COL6A5: variants seen among roughly 807,000 people sequenced by gnomAD.
The protein encoded by COL6A5 is collagen alpha-5(VI) chain.
Under a neutral mutation model 65.6 loss-of-function variants are expected in COL6A5, and 48 were observed. That is an observed-to-expected ratio of 0.73 (90% CI 0.58 to 0.93). COL6A5 has a LOEUF of 0.93. Among genes scored for constraint, COL6A5 ranks in the 40% least tolerant of loss-of-function variants. COL6A5 has a pLI of 0.00. For missense variants in COL6A5, 914 were observed against 928.3 expected (o/e 0.98, Z 0.20); for synonymous variants, 291 against 322.8 (o/e 0.90, Z 1.05).
chr3:130,459,475 G>A (rs1006882324), intron 5 of COL6A5, among the ~76,000 whole-genome samples: 1 of 152,046 alleles, frequency 6.6e-6, no homozygotes, highest in Non-Finnish European at 1.5e-5. Flanking sequence ...TGCAACGTCT[G>A]GAGACATTTT....
At chr3:130,380,710 G>T (rs1029133005) in intron 4 of COL6A5, among the ~76,000 whole-genome samples, 1 of 152,110 alleles carries the variant, frequency 6.6e-6, no homozygotes, top group Non-Finnish European at 1.5e-5. Flanking sequence ...TAATAGCCAG[G>T]TGTGTCTAGT....
chr3:130,468,737 T>C (rs1709875883), intron 5 of COL6A5, 58 bp from the exon 38 acceptor site: 2 of 1,227,794 alleles, frequency 1.6e-6, no homozygotes, highest in Admixed American at 4.4e-5. Flanking sequence ...CATCTATGAC[T>C]AGGAGCTCCA....
At position 130,409,398 on chromosome 3, in the gene COL6A5, T is replaced by C. The variant is rs1447397786; in HGVS notation, c.4542+10T>C. The C allele has an allele frequency of 6.5e-6, 10 of 1,546,990 alleles. No individual in the cohort carries two copies. In the East Asian group the frequency reaches 2.4e-4, roughly 38 times the overall value. On this transcript the variant is annotated intron_variant and NMD_transcript_variant, in intron 18 of 41. Transcript: ENST00000312481. ...CTTCCCAGGGGATCCGGTAAGTTTC[T>C]AGGGCCCAGTTGGCTCTGAATTTTA...
chr3:130,442,821 A>G (rs11928721), intron 3 of COL6A5, among the ~76,000 whole-genome samples: 6,280 of 152,338 alleles, frequency 0.041, 168 homozygotes, highest in Non-Finnish European at 0.067. Context: ...TGTGATTATT[A>G]TAAAACTACA....
At chr3:130,406,108 G>A (rs1936981828) in intron 15 of COL6A5, 23 bp from the exon 16 acceptor site, 3 of 1,549,082 alleles carry the variant, frequency 1.9e-6, no homozygotes, top group East Asian at 4.9e-5. Context: ...TTTACCTGAT[G>A]CCTGTCTATT....
upstream of COL6A5, among the ~76,000 whole-genome samples, chr3:130,428,104 G>A (rs1483888215): frequency 1.3e-5 from 2 of 152,122 alleles, no homozygotes; most frequent in Non-Finnish European, 2.9e-5. Context: ...GAGGGTTTGG[G>A]ATTTGAAGGG....
intron 1 of COL6A5, among the ~76,000 whole-genome samples, chr3:130,358,999 G>A (rs1420755268): frequency 6.6e-6 from 1 of 152,164 alleles, no homozygotes; most frequent in African/African-American, 2.4e-5. Flanking sequence ...GAATGAAGTA[G>A]ATACAAGAGT....
intron 4 of COL6A5, among the ~76,000 whole-genome samples, 176 bp from the exon 37 acceptor site, chr3:130,455,279 T>A (rs1350823725): frequency 6.6e-6 from 1 of 152,176 alleles, no homozygotes; most frequent in Non-Finnish European, 1.5e-5. Context: ...ATCAGAGTTT[T>A]AAAAAATAAT....
chr3:130,457,646 G>A (rs944111649), intron 5 of COL6A5, among the ~76,000 whole-genome samples: 14 of 152,206 alleles, frequency 9.2e-5, no homozygotes, highest in East Asian at 3.9e-4. Context: ...AACACTGAGC[G>A]TTTCAGACAG....
chr3:130,415,492 C>T lies in COL6A5; in HGVS notation c.4762-153C>T, dbSNP rs1168366907. Among the ~76,000 whole-genome samples, 6 of 152,226 alleles carry T rather than the reference C, an allele frequency of 3.9e-5. 1 individual carries two copies. The East Asian group carries it at 1.2e-3, about 29-fold the overall frequency. ...GGACCACTGAGTCCACTGGGCCTGT[C>T]CTCAATGACTCTTAATACATGCTTA... On this transcript the variant is annotated intron_variant and NMD_transcript_variant, in intron 22 of 41. Coordinates refer to the COL6A5 transcript ENST00000312481.
In COL6A5 at chr3:130,367,218, A is replaced by G. The variant is rs1398579666; in HGVS notation, c.-28-6393A>G. Among the ~76,000 whole-genome samples, 4 of 152,334 alleles carry G rather than the reference A, an allele frequency of 2.6e-5. No homozygotes were observed. The East Asian group carries it at 7.7e-4, about 29-fold the overall frequency. On this transcript the variant is annotated intron_variant and NMD_transcript_variant, in intron 1 of 41. Transcript: ENST00000312481. ...CTGTCCTAATCCAGTTTCCTCTGAT[A>G]AAAGTATTATTAGAATGTGATATCA...
intron 5 of COL6A5, among the ~76,000 whole-genome samples, chr3:130,467,667 C>T (rs1709849124): frequency 1.3e-5 from 2 of 152,034 alleles, no homozygotes; most frequent in African/African-American, 4.8e-5. Context: ...TCTAATATAG[C>T]ATTTCACTGT....
At chr3:130,461,683 A>T (rs1225934922) in intron 5 of COL6A5, among the ~76,000 whole-genome samples, 3 of 152,066 alleles carry the variant, frequency 2.0e-5, no homozygotes, top group Non-Finnish European at 2.9e-5. Flanking sequence ...AAACTAAATC[A>T]TGTAAAATCA....
At chr3:130,405,737 C>A (rs1423171755) in intron 14 of COL6A5, 78 bp downstream of exon 14, 7 of 1,191,704 alleles carry the variant, frequency 5.9e-6, no homozygotes, top group Non-Finnish European at 8.5e-6. Context: ...TTTCCTCCCT[C>A]ATTTTCTCTC....
At chr3:130,382,980 G>A (rs1936059087) in intron 4 of COL6A5, among the ~76,000 whole-genome samples, 1 of 151,950 alleles carries the variant, frequency 6.6e-6, no homozygotes, top group Admixed American at 6.6e-5. Context: ...TGCTTGGGGT[G>A]GTGGAATCAC....
chr3:130,443,689 A>G, intron 4 of COL6A5, 123 bp downstream of exon 36: 2 of 528,840 alleles, frequency 3.8e-6, no homozygotes, highest in Non-Finnish European at 6.7e-6. Flanking sequence ...CATTTTATGT[A>G]TTCCATTTTC....
chr3:130,472,832 CATATATATATATATAT>C (rs10654631), intron 7 of COL6A5, among the ~76,000 whole-genome samples: 6 of 99,392 alleles, frequency 6.0e-5, no homozygotes, highest in East Asian at 3.6e-4. Flanking sequence ...TGTGTGTATA[CATATATATATATATAT>C]ATATATATAT....
chr3:130,453,264 T>C lies in COL6A5; in HGVS notation c.1333-2191T>C, dbSNP rs542213764. 6.6e-5 allele frequency among the ~76,000 whole-genome samples: 10 copies of C among 152,266 alleles called. No individual in the cohort carries two copies. The South Asian group carries it at 1.9e-3, about 28-fold the overall frequency. On this transcript the variant is annotated intron_variant, in intron 4 of 7. Transcript: ENST00000512836. ...AATCTTCACAATTTATGTTTAGAGATTGCAGTAAAGACAGGCATAAGAAAT... is the reference window on the plus strand; with the variant it reads ...AATCTTCACAATTTATGTTTAGAGACTGCAGTAAAGACAGGCATAAGAAAT...
At chr3:130,397,257 G>C (rs1234689605) in intron 8 of COL6A5, among the ~76,000 whole-genome samples, 1 of 152,168 alleles carries the variant, frequency 6.6e-6, no homozygotes, top group Non-Finnish European at 1.5e-5. Context: ...ATACGACAGA[G>C]TCACTGAGAA....
Sources: gnomAD v4.1 joint callset for allele counts (sites outside exome capture counted in the v4.1 genomes callset) on GRCh38, gnomAD v4.1.1 for gene constraint, MANE v1.5 for transcripts, NCBI Gene and HGNC (gene_info 2026-07-23, HGNC 2026-07-21) for gene names.